GATA4: variants seen among roughly 807,000 people sequenced by gnomAD.
The protein encoded by GATA4 is transcription factor GATA-4.
GATA4 carries 7 observed loss-of-function variants against 37.9 expected under a neutral mutation model. The observed-to-expected ratio is 0.18, with a 90% confidence interval of 0.11 to 0.35. The LOEUF (loss-of-function observed/expected upper bound fraction) is 0.35, where lower values mean the gene tolerates loss of function less well. GATA4 is among the 10% of genes least tolerant of loss of function. The pLI is 1.00. For missense variants in GATA4, 647 were observed against 653.0 expected, an observed-to-expected ratio of 0.99 and a Z score of 0.10; for synonymous variants, 372 against 292.6, an observed-to-expected ratio of 1.27 and a Z score of -2.77.
Position 11,749,643 on chromosome 8 carries a change from A to G in GATA4, c.787-468A>G, listed in dbSNP as rs919348485. ...GTCAACACCAACCAGCTTGCACTAT[A>G]TTAAGGAGGGAAGAACAGAGGGGAT... On this transcript the variant is annotated intron_variant, in intron 3 of 6. Coordinates refer to ENST00000532059, the MANE Select transcript of GATA4 (RefSeq NM_001308093.3). This position sits in a 1 kb window ranked among gnomAD's most constrained non-coding sequence, Gnocchi z 4.6. Among the ~76,000 whole-genome samples, 1 of 152,178 alleles carries G rather than the reference A, an allele frequency of 6.6e-6. No individual in the cohort carries two copies. Among genetic ancestry groups the G allele is most frequent in the African/African-American group, 2.4e-5 (1 of 41,452 alleles).
chr8:11,677,946 T>C (rs1314837883), intron 1 of GATA4, among the ~76,000 whole-genome samples: 2 of 151,750 alleles, frequency 1.3e-5, no homozygotes, highest in Non-Finnish European at 2.9e-5. Context: ...CTCTACTTCC[T>C]ACAAAGCCAA....
chr8:11,718,044 T>C (rs543910621), intron 2 of GATA4, among the ~76,000 whole-genome samples: 3 of 152,362 alleles, frequency 2.0e-5, no homozygotes, highest in African/African-American at 7.2e-5. Flanking sequence ...GTGTTCCCTT[T>C]TCTCTGAAGA....
intron 1 of GATA4, among the ~76,000 whole-genome samples, chr8:11,683,552 T>TC (rs1310039497): frequency 3.9e-5 from 6 of 152,074 alleles, no homozygotes; most frequent in African/African-American, 7.2e-5. Flanking sequence ...ACTAAATCCA[T>TC]CCCCCCATTC....
chr8:11,714,640 A>G (rs1800357193), intron 2 of GATA4, among the ~76,000 whole-genome samples: 1 of 152,136 alleles, frequency 6.6e-6, no homozygotes, highest in Non-Finnish European at 1.5e-5. Context: ...GTGTGTCACT[A>G]CCTCTAGTGA....
In GATA4 at chr8:11,758,308, G is replaced by A. The variant is rs990787136; in HGVS notation, c.1165G>A (p.Ala389Thr). The part of the protein sequence containing the change: ...SSVSQTFSVS[A>T]MSGHGPSIHP... ...TGCTTTTCAGACGTTCTCAGTCAGT[G>A]CGATGTCTGGCCATGGGCCCTCCAT... Residue 389 changes from alanine (A) to threonine (T), a missense_variant, in exon 7 of 7, where the codon GCG (alanine) becomes ACG (threonine). Physicochemically the swap from Ala to Thr is moderately conservative, Grantham distance 58. This residue lies in a region of GATA4 where 184 missense variants were observed against 157.1 expected (regional missense o/e 1.17). Transcript: ENST00000532059. 3 of 1,614,026 alleles carry A rather than the reference G, an allele frequency of 1.9e-6. No individual in the cohort carries two copies. The East Asian group carries it at 6.7e-5, about 36-fold the overall frequency.
Position 11,708,609 on chromosome 8 carries a change from C to T in GATA4, c.297C>T (p.Tyr99=). The T allele has an allele frequency of 7.4e-7, 1 of 1,345,602 alleles. No homozygotes were observed. Among genetic ancestry groups the T allele is most frequent in the Non-Finnish European group, 9.5e-7 (1 of 1,049,874 alleles). 83.4% of individuals were successfully genotyped at this position (1,345,602 alleles called of 1,614,324 possible). ...WSQAGADGAA[Y]TPPPVSPRFS... ...AGGCGGGAGCCGACGGAGCCGCTTA[C>T]ACCCCGCCGCCGGTGTCGCCGCGCT... The change falls in exon 2 of 7, where the codon TAC becomes TAT. Residue 99 remains tyrosine, a synonymous_variant. Transcript: ENST00000532059. This position sits in a 1 kb window ranked among gnomAD's most constrained non-coding sequence, Gnocchi z 6.7.
At chr8:11,746,495 AT>A (rs1410990051) in intron 2 of GATA4, among the ~76,000 whole-genome samples, 2 of 152,216 alleles carry the variant, frequency 1.3e-5, no homozygotes, top group Non-Finnish European at 2.9e-5. Context: ...TCTTGGTTCA[AT>A]TTTGAGATGG....
Position 11,708,488 on chromosome 8 carries a change from C to T in GATA4, c.176C>T (p.Ala59Val), listed in dbSNP as rs1430911633. Residue 59 changes from alanine to valine, a missense_variant, in exon 2 of 7, where the codon GCG becomes GTG. Ala to Val is a moderately conservative substitution (Grantham distance 64). This residue lies in a region of GATA4 where 379 missense variants were observed against 334.5 expected (regional missense o/e 1.13). Coordinates refer to ENST00000532059, the MANE Select transcript of GATA4 (RefSeq NM_001308093.3). This position sits in a 1 kb window ranked among gnomAD's most constrained non-coding sequence, Gnocchi z 6.7. ...CTGTCCTACCTCCAGGGCGGAGGCG[C>T]GGGCTCTGCGTCCGGAGGCGCCTCG... ...LGLSYLQGGG[A>V]GSASGGASGG... 5 of 1,496,000 alleles carry T rather than the reference C, an allele frequency of 3.3e-6. No individual in the cohort carries two copies. Among genetic ancestry groups the T allele is most frequent in the Non-Finnish European group, 4.4e-6 (5 of 1,129,854 alleles). The allele number at this position is 1,496,000 out of a possible 1,614,324, so 92.7% of individuals were successfully genotyped here. A position where few individuals can be genotyped will look rare whatever the true frequency, so the allele number is the denominator to read the frequency against.
Position 11,709,001 on chromosome 8 carries a change from C to T in GATA4, c.616+73C>T, listed in dbSNP as rs1425051948. The T allele has an allele frequency of 3.5e-6, 5 of 1,431,342 alleles. No homozygotes were observed. Among genetic ancestry groups the T allele is most frequent in the African/African-American group, 1.5e-5 (1 of 68,380 alleles). 88.7% of individuals were successfully genotyped at this position (1,431,342 alleles called of 1,614,324 possible). On this transcript the variant is annotated intron_variant, in intron 2 of 6. Coordinates refer to ENST00000532059, the MANE Select transcript of GATA4 (RefSeq NM_001308093.3). This position sits in a 1 kb window ranked among gnomAD's most constrained non-coding sequence, Gnocchi z 4.3. ...CCGTCTTGAGCCCTGTCGAGGGCCTCTTGTTTTTCCACCAACGCCTTCGTT... is the reference window on the plus strand; with the variant it reads ...CCGTCTTGAGCCCTGTCGAGGGCCTTTTGTTTTTCCACCAACGCCTTCGTT...
At position 11,758,468 on chromosome 8, in the gene GATA4, C is replaced by T. The variant is rs773679619; in HGVS notation, c.1325C>T (p.Thr442Ile). The T allele has an allele frequency of 6.2e-7, 1 of 1,614,082 alleles. No homozygotes were observed. Among genetic ancestry groups the T allele is most frequent in the Non-Finnish European group, 8.5e-7 (1 of 1,180,012 alleles). Residue 442 changes from threonine to isoleucine, a missense_variant, in exon 7 of 7, where the codon ACT becomes ATT. Physicochemically the swap from Thr to Ile is moderately conservative, Grantham distance 89. Around this residue, in one of 5 missense-constraint regions of GATA4, gnomAD observed 184 missense variants for 157.1 expected, o/e 1.17. Transcript: ENST00000532059. ...VLADSHGDII[T>I]A ...GCCGACAGTCACGGGGACATAATCA[C>T]TGCGTAATCTTCCCTCTTCCCTCCT... is the stretch of plus-strand genomic sequence containing the variant.
intron 4 of GATA4, among the ~76,000 whole-genome samples, chr8:11,752,981 T>C (rs1048817025): frequency 2.6e-5 from 4 of 152,200 alleles, no homozygotes; most frequent in Non-Finnish European, 4.4e-5. Context: ...AAATATTATA[T>C]AGGTATTAAA....
intron 1 of GATA4, chr8:11,683,204 C>G: frequency 1.1e-6 from 1 of 885,936 alleles, no homozygotes; most frequent in Non-Finnish European, 1.4e-6. Context: ...TCCATTAGAC[C>G]TCAGCATTTA....
At chr8:11,734,832 T>G (rs944610144) in intron 2 of GATA4, among the ~76,000 whole-genome samples, 12 of 152,196 alleles carry the variant, frequency 7.9e-5, no homozygotes, top group African/African-American at 2.9e-4. Flanking sequence ...TCATGAGGGC[T>G]CCGTCCGATG....
intron 1 of GATA4, chr8:11,680,736 C>G (rs1798939242): frequency 1.0e-6 from 1 of 985,198 alleles, no homozygotes; most frequent in Non-Finnish European, 1.2e-6. Context: ...CCCTGGGCGG[C>G]GAGGAGAGCC....
At chr8:11,694,839 T>C (rs979371831) in intron 1 of GATA4, among the ~76,000 whole-genome samples, 1 of 152,054 alleles carries the variant, frequency 6.6e-6, no homozygotes, top group Non-Finnish European at 1.5e-5. Flanking sequence ...ACAATCTCTC[T>C]CCTCTCTCTC....
intron 2 of GATA4, among the ~76,000 whole-genome samples, chr8:11,727,043 A>G (rs532516975): frequency 2.4e-4 from 36 of 152,154 alleles, no homozygotes; most frequent in South Asian, 4.1e-4. Flanking sequence ...GCACCAGGAG[A>G]GCTGTGCGTG....
Position 11,758,728 on chromosome 8 carries a change from T to C in GATA4, c.*253T>C. On this transcript the variant is annotated 3_prime_UTR_variant, in exon 7 of 7. Transcript: ENST00000532059. ...GAGCACACTGCATCTCTCCTGTGAG[T>C]TGGAGACTTCTTTCCCAAGATGTCC... is the stretch of plus-strand genomic sequence containing the variant. 1 of 544,346 alleles carries C rather than the reference T, an allele frequency of 1.8e-6. No homozygotes were observed. The highest frequency in any genetic ancestry group is 3.3e-5 in the East Asian group (1 of 30,158). 33.7% of individuals were successfully genotyped at this position (544,346 alleles called of 1,614,324 possible).
At chr8:11,716,569 T>C (rs933673282) in intron 2 of GATA4, among the ~76,000 whole-genome samples, 1 of 152,200 alleles carries the variant, frequency 6.6e-6, no homozygotes, top group South Asian at 2.1e-4. Context: ...TCTCTACTCC[T>C]GGTCTCAGTG....
At chr8:11,712,527 G>T (rs6990313) in intron 2 of GATA4, among the ~76,000 whole-genome samples, 20,873 of 151,784 alleles carry the variant, frequency 0.14, 1,953 homozygotes, top group African/African-American at 0.26. Context: ...TTTAAAAAAA[G>T]AAATATTGAC....
Sources: allele counts gnomAD v4.1 joint callset (sites outside exome capture counted in the v4.1 genomes callset), GRCh38; gene constraint gnomAD v4.1.1; regional missense constraint gnomAD v4.1.1; non-coding constraint Gnocchi (gnomAD v3.1); transcripts MANE v1.5; gene names NCBI Gene and HGNC (gene_info 2026-07-23, HGNC 2026-07-21).